Variants in DRC2 observed in about 807,000 individuals in gnomAD.
DRC2 encodes dynein regulatory complex subunit 2.
chr12:48,915,087 T>C, the DRC2 span, among the ~76,000 whole-genome samples: 1 of 149,834 alleles, frequency 6.7e-6, no homozygotes. Flanking sequence ...CTCCTCAAAT[T>C]CCTTTTACCA....
At chr12:48,915,526 C>G in the DRC2 span, among the ~76,000 whole-genome samples, 1 of 151,610 alleles carries the variant, frequency 6.6e-6, no homozygotes, top group Non-Finnish European at 1.5e-5. Context: ...TACACAGACA[C>G]GGCAACCATC....
At chr12:48,913,426 C>T in the DRC2 span, among the ~76,000 whole-genome samples, 1 of 151,520 alleles carries the variant, frequency 6.6e-6, no homozygotes, top group East Asian at 2.0e-4. Context: ...GCCTCAGCCT[C>T]CTGAGTAGCG....
At chr12:48,905,448 C>T in the DRC2 span, among the ~76,000 whole-genome samples, 4 of 152,152 alleles carry the variant, frequency 2.6e-5, no homozygotes, top group East Asian at 1.9e-4. Context: ...AACTGACTTG[C>T]CCAAGGTCAC....
the DRC2 span, chr12:48,918,323 G>T: frequency 9.9e-6 from 16 of 1,614,090 alleles, no homozygotes; most frequent in South Asian, 1.8e-4. Flanking sequence ...GAACAGAGTA[G>T]AAGATCTGTG....
chr12:48,918,076 C>T, the DRC2 span: 5 of 537,976 alleles, frequency 9.3e-6, no homozygotes, highest in Non-Finnish European at 1.6e-5. Context: ...GCAGCATTTC[C>T]TCTCCAGTTC....
At chr12:48,914,940 C>T in the DRC2 span, among the ~76,000 whole-genome samples, 3 of 151,920 alleles carry the variant, frequency 2.0e-5, no homozygotes, top group African/African-American at 7.3e-5. Context: ...CTCACTGCAA[C>T]CTCTGCCTCC....
At chr12:48,916,117 T>C in the DRC2 span, among the ~76,000 whole-genome samples, 34 of 129,962 alleles carry the variant, frequency 2.6e-4, no homozygotes, top group African/African-American at 9.0e-4. Context: ...CTTTCCAGAC[T>C]GGGCAGCCAG....
chr12:48,911,270 A>G, the DRC2 span, among the ~76,000 whole-genome samples: 44 of 152,266 alleles, frequency 2.9e-4, no homozygotes, highest in South Asian at 1.9e-3. Context: ...TTTTAGAAAT[A>G]GAGATGGGGC....
At chr12:48,913,249 C>T in the DRC2 span, among the ~76,000 whole-genome samples, 1 of 151,950 alleles carries the variant, frequency 6.6e-6, no homozygotes, top group East Asian at 1.9e-4. Context: ...TACATCACTG[C>T]AAATGTTAGT....
the DRC2 span, chr12:48,904,447 G>A: frequency 2.5e-6 from 4 of 1,613,692 alleles, no homozygotes; most frequent in Admixed American, 1.7e-5. Context: ...AGAAGGAGAG[G>A]CTCCTCAGCC....
chr12:48,914,013 T>C, the DRC2 span, among the ~76,000 whole-genome samples: 1 of 150,080 alleles, frequency 6.7e-6, no homozygotes, highest in South Asian at 2.1e-4. Context: ...CACTGCAACT[T>C]TGAACTCCTG....
At chr12:48,912,422 A>G in the DRC2 span, among the ~76,000 whole-genome samples, 1 of 130,704 alleles carries the variant, frequency 7.7e-6, no homozygotes, top group Non-Finnish European at 1.6e-5. Flanking sequence ...TGGGCAACAG[A>G]GCGAGACGCC....
chr12:48,906,576 G>A, the DRC2 span, among the ~76,000 whole-genome samples: 8 of 151,652 alleles, frequency 5.3e-5, no homozygotes, highest in South Asian at 4.2e-4. Flanking sequence ...GAGCCACCAC[G>A]CCCAGCCACT....
the DRC2 span, chr12:48,921,006 C>T: frequency 6.2e-7 from 1 of 1,613,804 alleles, no homozygotes; most frequent in South Asian, 1.1e-5. Flanking sequence ...CCTTTTTATT[C>T]ATCAGTATTG....
the DRC2 span, among the ~76,000 whole-genome samples, chr12:48,910,820 G>A: frequency 3.3e-5 from 5 of 152,196 alleles, no homozygotes; most frequent in Non-Finnish European, 5.9e-5. Context: ...CAATGCAGGC[G>A]GATCGCTTGA....
the DRC2 span, chr12:48,914,542 G>A: frequency 6.2e-7 from 1 of 1,614,152 alleles, no homozygotes; most frequent in Non-Finnish European, 8.5e-7. Flanking sequence ...CATGGAGCTG[G>A]AAGCCCTAAC....
the DRC2 span, among the ~76,000 whole-genome samples, chr12:48,915,470 T>C: frequency 2.0e-5 from 3 of 150,126 alleles, no homozygotes; most frequent in African/African-American, 7.3e-5. Context: ...GAAGAATTTT[T>C]CTTAGTACAG....
At chr12:48,909,687 A>T in the DRC2 span, among the ~76,000 whole-genome samples, 1 of 151,494 alleles carries the variant, frequency 6.6e-6, no homozygotes, top group Non-Finnish European at 1.5e-5. Flanking sequence ...CATGTTGGCC[A>T]GCTGGTCTCG....
the DRC2 span, chr12:48,921,178 A>G: frequency 1.2e-6 from 2 of 1,613,960 alleles, no homozygotes; most frequent in East Asian, 4.5e-5. Context: ...GTGATGGTGG[A>G]CTACATAGGA....
Sources: allele counts gnomAD v4.1 joint callset (sites outside exome capture counted in the v4.1 genomes callset), GRCh38; gene constraint gnomAD v4.1.1; transcripts MANE v1.5; gene names NCBI Gene and HGNC (gene_info 2026-07-23, HGNC 2026-07-21).